Variants in CADM1 observed in about 807,000 individuals in gnomAD.
The protein encoded by CADM1 is TSLC-1.
Under a neutral mutation model 53.1 loss-of-function variants are expected in CADM1, and 15 were observed. The observed-to-expected ratio is 0.28, with a 90% confidence interval of 0.19 to 0.44. The LOEUF (loss-of-function observed/expected upper bound fraction) is 0.44. CADM1 is among the 20% of genes least tolerant of loss of function. The pLI is 1.00. For synonymous variants in CADM1, 281 were observed against 243.0 expected (o/e 1.16, Z -1.45); for missense variants, 434 against 611.3 (o/e 0.71, Z 3.06).
At chr11:115,296,755 G>T (rs1944088877) in intron 1 of CADM1, among the ~76,000 whole-genome samples, 1 of 152,140 alleles carries the variant, frequency 6.6e-6, no homozygotes, top group African/African-American at 2.4e-5. Context: ...AACAGAATGA[G>T]ACAAGTACCA....
intron 1 of CADM1, among the ~76,000 whole-genome samples, chr11:115,362,375 A>G (rs1946051750): frequency 6.6e-6 from 1 of 152,136 alleles, no homozygotes; most frequent in South Asian, 2.1e-4. Context: ...ATATCAGAAA[A>G]CTGACAGTTT....
Position 115,214,714 on chromosome 11 carries a change from G to C in CADM1, c.888C>G (p.Pro296=). 6.2e-7 allele frequency: 1 copy of C among 1,614,000 alleles called. No individual in the cohort carries two copies. The highest frequency in any genetic ancestry group is 8.5e-7 in the Non-Finnish European group (1 of 1,179,938). Residue 296 remains proline, a synonymous_variant, in exon 7 of 12, where the codon CCC becomes CCG. Coordinates refer to ENST00000331581, the MANE Select transcript of CADM1 (RefSeq NM_001301043.2). ...EMPQHAVLSG[P]NLFINNLNKT... is the part of the protein sequence containing the mutation. ...TGTTTAGGTTATTGATGAACAGGTTGGGCCCAGACAGTACGGCGTGTTGAG... is the reference window on the plus strand; with the variant it reads ...TGTTTAGGTTATTGATGAACAGGTTCGGCCCAGACAGTACGGCGTGTTGAG...
intron 1 of CADM1, among the ~76,000 whole-genome samples, chr11:115,320,379 T>C (rs577519427): frequency 6.6e-6 from 1 of 152,178 alleles, no homozygotes; most frequent in South Asian, 2.1e-4. Context: ...TAAATTTTAA[T>C]TAGATGAAAA....
chr11:115,425,506 G>A (rs773547975), intron 1 of CADM1, among the ~76,000 whole-genome samples: 2 of 152,160 alleles, frequency 1.3e-5, no homozygotes, highest in Non-Finnish European at 2.9e-5. Context: ...GCATCGTAAC[G>A]AGACATCTCT....
chr11:115,243,247 G>A (rs1372593978), intron 1 of CADM1, among the ~76,000 whole-genome samples: 2 of 152,186 alleles, frequency 1.3e-5, no homozygotes, highest in African/African-American at 4.8e-5. Flanking sequence ...TCATCATCAT[G>A]ACTGTATTAT....
chr11:115,353,575 T>C (rs1432068467), intron 1 of CADM1, among the ~76,000 whole-genome samples: 1 of 152,226 alleles, frequency 6.6e-6, no homozygotes, highest in African/African-American at 2.4e-5. Flanking sequence ...TTCTCTCATG[T>C]CAACTTCAAT....
At chr11:115,340,659 T>TATATATA (rs1555069295) in intron 1 of CADM1, among the ~76,000 whole-genome samples, 36 of 16,472 alleles carry the variant, frequency 2.2e-3, no homozygotes, top group South Asian at 9.6e-3. Flanking sequence ...TATATATATA[T>TATATATA]TTTTTTTTTT....
chr11:115,380,478 T>C (rs1268404571), intron 1 of CADM1, among the ~76,000 whole-genome samples: 1 of 152,194 alleles, frequency 6.6e-6, no homozygotes, highest in Non-Finnish European at 1.5e-5. Context: ...TTATCTGAGA[T>C]GGAAACCAAG....
At chr11:115,215,043 AAC>A (rs1247216936) in intron 6 of CADM1, among the ~76,000 whole-genome samples, 2 of 152,224 alleles carry the variant, frequency 1.3e-5, no homozygotes, top group Admixed American at 1.3e-4. Context: ...CAACAAATAA[AAC>A]AGTGTGCCTA....
intron 1 of CADM1, among the ~76,000 whole-genome samples, chr11:115,325,123 T>C (rs1024203019): frequency 2.6e-5 from 4 of 152,176 alleles, no homozygotes; most frequent in Non-Finnish European, 2.9e-5. Flanking sequence ...TTAAGTTCTA[T>C]AGAAGAAATG....
chr11:115,416,781 A>G (rs925356709), intron 1 of CADM1, among the ~76,000 whole-genome samples: 1 of 152,068 alleles, frequency 6.6e-6, no homozygotes, highest in African/African-American at 2.4e-5. Context: ...ATGCAACAAG[A>G]CATGACCAGC....
chr11:115,336,880 T>TAGA (rs1945281000), intron 1 of CADM1, among the ~76,000 whole-genome samples: 1 of 152,220 alleles, frequency 6.6e-6, no homozygotes, highest in African/African-American at 2.4e-5. Flanking sequence ...AAACATACTC[T>TAGA]GTTGCTGTTA....
In CADM1 at chr11:115,240,319, G is replaced by A. The variant is rs752868486; in HGVS notation, c.226C>T (p.Leu76=). The A allele has an allele frequency of 1.2e-6, 2 of 1,613,496 alleles. No individual in the cohort carries two copies. Among genetic ancestry groups the A allele is most frequent in the South Asian group, 2.2e-5 (2 of 91,066 alleles). ...VNKSDDSVIQ[L]LNPNRQTIYF... ...ATGGTCTGCCTGTTGGGATTCAGTA[G>A]CTGAATCACAGAGTCGTCACTCTTA... The change falls in exon 2 of 12, where the codon CTA becomes TTA. Residue 76 remains leucine (L), a synonymous_variant. Coordinates refer to ENST00000331581, the MANE Select transcript of CADM1 (RefSeq NM_001301043.2).
intron 1 of CADM1, among the ~76,000 whole-genome samples, chr11:115,393,655 G>A (rs1946904576): frequency 6.6e-6 from 1 of 150,880 alleles, no homozygotes; most frequent in African/African-American, 2.4e-5. Context: ...ACCTTATAGG[G>A]TCCATTCATT....
chr11:115,231,738 G>T lies in CADM1; in HGVS notation c.425-248C>A, dbSNP rs147888842. ...ATGATGGCTCACATTTGTAATCCCA[G>T]AACTTTGGGAGGCCGAGGCGGGCAG... On this transcript the variant is annotated intron_variant, in intron 3 of 11. Transcript: ENST00000331581. Among the ~76,000 whole-genome samples, 332 of 152,218 alleles carry T rather than the reference G, an allele frequency of 2.2e-3. 1 individual carries two copies. The highest frequency in any genetic ancestry group is 0.017 in the Middle Eastern group (5 of 294).
At chr11:115,178,906 G>T in intron 10 of CADM1, 131 bp from the exon 11 acceptor site, 1 of 973,010 alleles carries the variant, frequency 1.0e-6, no homozygotes, top group Non-Finnish European at 1.6e-6. Context: ...CAATCGAGAT[G>T]GATCAAGTTA....
chr11:115,181,741 C>T (rs908899580), intron 10 of CADM1, among the ~76,000 whole-genome samples: 8 of 152,130 alleles, frequency 5.3e-5, no homozygotes, highest in Non-Finnish European at 1.0e-4. Flanking sequence ...TCATCTCAGT[C>T]CGTTCTTTTA....
chr11:115,501,904 A>AAT (rs755699608), intron 1 of CADM1, among the ~76,000 whole-genome samples: 52 of 152,002 alleles, frequency 3.4e-4, no homozygotes, highest in South Asian at 6.2e-4. Context: ...CTCACCACGA[A>AAT]ATATATATAT....
chr11:115,437,856 G>A (rs931786178), intron 1 of CADM1, among the ~76,000 whole-genome samples: 1 of 152,146 alleles, frequency 6.6e-6, no homozygotes, highest in African/African-American at 2.4e-5. Flanking sequence ...GGAAAGGGGA[G>A]AATTTGAGGA....
Sources: gnomAD v4.1 joint callset for allele counts (sites outside exome capture counted in the v4.1 genomes callset) on GRCh38, gnomAD v4.1.1 for gene constraint, MANE v1.5 for transcripts, NCBI Gene and HGNC (gene_info 2026-07-23, HGNC 2026-07-21) for gene names.